Variants in RAB4A observed in about 807,000 individuals in gnomAD.
RAB4A encodes ras-related protein Rab-4A.
A neutral mutation model predicts 34.5 loss-of-function variants in RAB4A; 20 were observed. That is an observed-to-expected ratio of 0.58 (90% confidence interval 0.41 to 0.84). The LOEUF (loss-of-function observed/expected upper bound fraction) is 0.84, where lower values mean the gene tolerates loss of function less well. RAB4A is among the 40% of genes least tolerant of loss of function. RAB4A has a pLI of 0.00. For missense variants in RAB4A, 228 were observed against 274.5 expected (o/e 0.83, Z 1.20); for synonymous variants, 102 against 100.0 (o/e 1.02, Z -0.12).
intron 1 of RAB4A, among the ~76,000 whole-genome samples, chr1:229,272,660 AAGGGTGT>A (rs1313148170): frequency 7.9e-4 from 120 of 152,066 alleles, no homozygotes; most frequent in African/African-American, 2.8e-3. Flanking sequence ...GTAACTCAAG[AAGGGTGT>A]GTTTTGAGTA....
At chr1:229,296,091 C>T (rs1257107408) in intron 4 of RAB4A, among the ~76,000 whole-genome samples, 181 bp downstream of exon 4, 3 of 152,210 alleles carry the variant, frequency 2.0e-5, no homozygotes, top group South Asian at 2.1e-4. Context: ...GAACGAGCCC[C>T]TACCACTGCT....
At chr1:229,286,766 G>A (rs113714351) in intron 2 of RAB4A, among the ~76,000 whole-genome samples, 200 bp downstream of exon 2, 9 of 152,306 alleles carry the variant, frequency 5.9e-5, no homozygotes, top group South Asian at 2.1e-4. Flanking sequence ...TTCAGTATAT[G>A]GTTACTTCTA....
At chr1:229,294,363 G>A (rs1657178930) in intron 3 of RAB4A, among the ~76,000 whole-genome samples, 1 of 152,244 alleles carries the variant, frequency 6.6e-6, no homozygotes, top group Non-Finnish European at 1.5e-5. Flanking sequence ...CTGGTGAGCG[G>A]GAGGAAGACT....
intron 6 of RAB4A, among the ~76,000 whole-genome samples, 194 bp downstream of exon 6, chr1:229,299,266 G>A (rs1050546380): frequency 1.3e-5 from 2 of 152,192 alleles, no homozygotes; most frequent in African/African-American, 4.8e-5. Context: ...TATCAGGATG[G>A]TTTCCATGGT....
At chr1:229,286,853 T>C in intron 2 of RAB4A, among the ~76,000 whole-genome samples, 1 of 152,178 alleles carries the variant, frequency 6.6e-6, no homozygotes, top group East Asian at 1.9e-4. Context: ...AGGAATCCTG[T>C]TTCCTGACAG....
At chr1:229,286,596 G>C in intron 2 of RAB4A, 30 bp downstream of exon 2, 2 of 1,367,678 alleles carry the variant, frequency 1.5e-6, no homozygotes, top group Non-Finnish European at 1.0e-6. Context: ...TCATTCTTCC[G>C]TGCATGTCTT....
intron 6 of RAB4A, 128 bp downstream of exon 6, chr1:229,299,200 A>G: frequency 1.5e-6 from 1 of 646,134 alleles, no homozygotes; most frequent in Non-Finnish European, 2.6e-6. Flanking sequence ...GCCAACCTAA[A>G]ATCATCACAT....
At chr1:229,278,830 C>G (rs1347845194) in intron 1 of RAB4A, among the ~76,000 whole-genome samples, 4 of 152,322 alleles carry the variant, frequency 2.6e-5, no homozygotes, top group African/African-American at 9.6e-5. Context: ...ATTTTGCCCC[C>G]ACCTGAAATG....
At chr1:229,301,685 G>A (rs1342116750) in intron 6 of RAB4A, among the ~76,000 whole-genome samples, 1 of 151,784 alleles carries the variant, frequency 6.6e-6, no homozygotes, top group African/African-American at 2.4e-5. Flanking sequence ...TATAAATTAG[G>A]ATTCTTCAGC....
At chr1:229,295,023 C>A (rs1192417182) in intron 3 of RAB4A, among the ~76,000 whole-genome samples, 1 of 149,496 alleles carries the variant, frequency 6.7e-6, no homozygotes, top group Non-Finnish European at 1.5e-5. Context: ...AGTGCAGTGG[C>A]ATGATCGCTC....
At chr1:229,290,238 C>T (rs1412712392) in intron 3 of RAB4A, among the ~76,000 whole-genome samples, 2 of 152,038 alleles carry the variant, frequency 1.3e-5, no homozygotes, top group Admixed American at 6.6e-5. Context: ...CAGTCTTTTA[C>T]GTTGAAATGG....
chr1:229,291,794 ATTTCACT>A (rs927696100), intron 3 of RAB4A, among the ~76,000 whole-genome samples: 1 of 152,050 alleles, frequency 6.6e-6, no homozygotes, highest in African/African-American at 2.4e-5. Context: ...TTTTCGTGAC[ATTTCACT>A]TTAAAACTAT....
intron 3 of RAB4A, among the ~76,000 whole-genome samples, chr1:229,295,365 G>A (rs542409769): frequency 1.3e-5 from 2 of 152,318 alleles, no homozygotes; most frequent in African/African-American, 4.8e-5. Flanking sequence ...TTTTCCCGTA[G>A]TAATAGGGCA....
intron 7 of RAB4A, among the ~76,000 whole-genome samples, chr1:229,303,513 T>A (rs1657472145): frequency 6.6e-6 from 1 of 152,194 alleles, no homozygotes; most frequent in African/African-American, 2.4e-5. Flanking sequence ...TCCTGATTCC[T>A]TATGTCAGTG....
In RAB4A at chr1:229,305,228, G is replaced by A. The variant is rs191057362; in HGVS notation, c.*1435G>A. The stretch of plus-strand genomic sequence containing the variant: ...GAATATTTTATTTCAAAAAGTATCT[G>A]AAGCAAATTCTCAGACTGAACTACT... On this transcript the variant is annotated 3_prime_UTR_variant, in exon 8 of 8. Coordinates refer to ENST00000366690, the MANE Select transcript of RAB4A (RefSeq NM_004578.4). 4 of 1,609,370 alleles carry A rather than the reference G, an allele frequency of 2.5e-6. No individual in the cohort carries two copies. Among genetic ancestry groups the A allele is most frequent in the East Asian group, 4.5e-5 (2 of 44,698 alleles).
At chr1:229,293,279 T>G (rs1657141851) in intron 3 of RAB4A, among the ~76,000 whole-genome samples, 1 of 152,126 alleles carries the variant, frequency 6.6e-6, no homozygotes. Flanking sequence ...GCACGATTGA[T>G]TAAAACATTA....
intron 1 of RAB4A, among the ~76,000 whole-genome samples, chr1:229,276,592 A>T (rs1656656039): frequency 6.6e-6 from 1 of 151,282 alleles, no homozygotes; most frequent in African/African-American, 2.5e-5. Flanking sequence ...CCTATGCCCC[A>T]TCTTCTATTT....
chr1:229,295,818 T>C (rs758023793), intron 3 of RAB4A, 30 bp from the exon 4 acceptor site: 2 of 1,613,096 alleles, frequency 1.2e-6, no homozygotes, highest in Non-Finnish European at 1.7e-6. Context: ...TCTCAATTGG[T>C]TGAAAGTAAA....
chr1:229,288,892 T>A (rs1265411367), intron 3 of RAB4A, 49 bp downstream of exon 3: 2 of 1,097,702 alleles, frequency 1.8e-6, no homozygotes, highest in Non-Finnish European at 2.7e-6. Flanking sequence ...TGATTTAAAA[T>A]AATTGATGAT....
Sources: allele counts gnomAD v4.1 joint callset (sites outside exome capture counted in the v4.1 genomes callset), GRCh38; gene constraint gnomAD v4.1.1; transcripts MANE v1.5; gene names NCBI Gene and HGNC (gene_info 2026-07-23, HGNC 2026-07-21).